Variants in HOXB8 observed in about 807,000 individuals in gnomAD.
The protein encoded by HOXB8 is homeobox protein Hox-B8.
HOXB8 carries 17 observed loss-of-function variants against 22.2 expected under a neutral mutation model. The observed-to-expected ratio is 0.77, with a 90% CI of 0.53 to 1.15. The LOEUF (loss-of-function observed/expected upper bound fraction) is 1.15. HOXB8 is among the 50% of genes most tolerant of loss of function. The pLI is 0.00. For missense variants in HOXB8, 287 were observed against 323.8 expected (o/e 0.89, Z 0.87); for synonymous variants, 156 against 144.6 (o/e 1.08, Z -0.57).
chr17:48,613,741 C>T (rs1178305710), intron 1 of HOXB8, among the ~76,000 whole-genome samples: 1 of 151,976 alleles, frequency 6.6e-6, no homozygotes, highest in Non-Finnish European at 1.5e-5. Context: ...AAGGGGAGCC[C>T]CCTCCCCCGG....
Position 48,613,493 on chromosome 17 carries a change from C to T in HOXB8, c.441G>A (p.Arg147=). 2 of 1,336,626 alleles carry T rather than the reference C, an allele frequency of 1.5e-6. No homozygotes were observed. The highest frequency in any genetic ancestry group is 2.0e-6 in the Non-Finnish European group (2 of 1,002,808). 82.8% of individuals were successfully genotyped at this position (1,336,626 alleles called of 1,614,324 possible). A position where few individuals can be genotyped will look rare whatever the true frequency, so the allele number is the denominator to read the frequency against. ...WMRPQAAAGR[R]RGRQTYSRYQ... is the part of the protein sequence containing the mutation. ...AGCGGCTGTAGGTCTGTCGGCCTCG[C>T]CTGCGTCCGGCGGCTGCTGGGAATG... Residue 147 remains arginine (R), a synonymous_variant, in exon 2 of 2, where the codon AGG becomes AGA. Coordinates refer to ENST00000239144, the MANE Select transcript of HOXB8 (RefSeq NM_024016.4).
rs1302959869 is a variant in HOXB8, at chr17:48,613,470, C to T, written c.464G>A (p.Arg155His). ...GRRRGRQTYS[R>H]YQTLELEKEF... ...CTTCTCCAGCTCCAGGGTCTGGTAG[C>T]GGCTGTAGGTCTGTCGGCCTCGCCT... The change falls in exon 2 of 2, where the codon CGC (arginine) becomes CAC (histidine). Residue 155 changes from arginine (R) to histidine (H), a missense_variant. Arg to His is a conservative substitution (Grantham distance 29, BLOSUM62 0). Coordinates refer to ENST00000239144, the MANE Select transcript of HOXB8 (RefSeq NM_024016.4). The T allele has an allele frequency of 3.6e-6, 5 of 1,392,062 alleles. No individual in the cohort carries two copies. The highest frequency in any genetic ancestry group is 2.9e-6 in the Non-Finnish European group (3 of 1,040,460). 86.2% of individuals were successfully genotyped at this position (1,392,062 alleles called of 1,614,324 possible). A position where few individuals can be genotyped will look rare whatever the true frequency, so the allele number is the denominator to read the frequency against.
At position 48,613,426 on chromosome 17, in the gene HOXB8, A is replaced by G; in HGVS notation, c.508T>C (p.Tyr170His). ...TCGATTCGCCGCTTACGAGTCAGATAGGGATTAAATAGGAACTCCTTCTCC... is the reference window on the plus strand; with the variant it reads ...TCGATTCGCCGCTTACGAGTCAGATGGGGATTAAATAGGAACTCCTTCTCC... ...ELEKEFLFNP[Y>H]LTRKRRIEVS... The change falls in exon 2 of 2, where the codon TAT (tyrosine) becomes CAT (histidine). Residue 170 changes from tyrosine to histidine, a missense_variant. Tyr to His is a moderately conservative substitution (Grantham distance 83, BLOSUM62 2). Around this residue, in one of 3 missense-constraint regions of HOXB8, gnomAD observed 229 missense variants for 239.8 expected, o/e 0.95. Coordinates refer to ENST00000239144, the MANE Select transcript of HOXB8 (RefSeq NM_024016.4). The G allele has an allele frequency of 6.2e-7, 1 of 1,613,326 alleles. No homozygotes were observed. The highest frequency in any genetic ancestry group is 8.5e-7 in the Non-Finnish European group (1 of 1,179,708).
chr17:48,614,555 G>A lies in HOXB8; in HGVS notation c.150C>T (p.His50=), dbSNP rs2070700925. 2 of 1,612,706 alleles carry A rather than the reference G, an allele frequency of 1.2e-6. No individual in the cohort carries two copies. Among genetic ancestry groups the A allele is most frequent in the Non-Finnish European group, 1.7e-6 (2 of 1,179,560 alleles). Residue 50 remains histidine (H), a synonymous_variant, in exon 1 of 2, where the codon CAC becomes CAT. Transcript: ENST00000239144. This position sits in a 1 kb window ranked among gnomAD's most constrained non-coding sequence, Gnocchi z 4.1. ...YGPSSGGSFQ[H]PSQIQEFYHG... is the part of the protein sequence containing the mutation. ...GGTAGAACTCCTGGATTTGCGACGGGTGCTGGAAGCTGCCGCCGCTGCTGG... is the reference window on the plus strand; with the variant it reads ...GGTAGAACTCCTGGATTTGCGACGGATGCTGGAAGCTGCCGCCGCTGCTGG...
At position 48,613,095 on chromosome 17, in the gene HOXB8, C is replaced by T. The variant is rs888896496; in HGVS notation, c.*107G>A. On this transcript the variant is annotated 3_prime_UTR_variant, in exon 2 of 2. Coordinates refer to ENST00000239144, the MANE Select transcript of HOXB8 (RefSeq NM_024016.4). ...CTGCGGTGGGAGGCCCGGCTCCTGGCCCCGCTAGCGGGGCCAGAGCTCTCT... is the reference window on the plus strand; with the variant it reads ...CTGCGGTGGGAGGCCCGGCTCCTGGTCCCGCTAGCGGGGCCAGAGCTCTCT... 13 of 697,218 alleles carry T rather than the reference C, an allele frequency of 1.9e-5. No homozygotes were observed. In the African/African-American group the frequency reaches 2.5e-4, roughly 13 times the overall value. The allele number at this position is 697,218 out of a possible 1,614,324, so 43.2% of individuals were successfully genotyped here.
chr17:48,613,006 T>C lies in HOXB8; in HGVS notation c.*196A>G, dbSNP rs753643958. Reference sequence around the variant, plus strand: ...CAAGAGAAGGGAAGGAGATCCACGGTAGCTCACACACAGAAGCTATTACGA... The same window carrying C: ...CAAGAGAAGGGAAGGAGATCCACGGCAGCTCACACACAGAAGCTATTACGA... On this transcript the variant is annotated 3_prime_UTR_variant, in exon 2 of 2. Coordinates refer to ENST00000239144, the MANE Select transcript of HOXB8 (RefSeq NM_024016.4). 4 of 222,552 alleles carry C rather than the reference T, an allele frequency of 1.8e-5. No individual in the cohort carries two copies. Among genetic ancestry groups the C allele is most frequent in the Admixed American group, 1.7e-4 (3 of 17,276 alleles). 13.8% of individuals were successfully genotyped at this position (222,552 alleles called of 1,614,324 possible).
In HOXB8 at chr17:48,613,222, G is replaced by A; in HGVS notation, c.712C>T (p.Gln238Ter). The change falls in exon 2 of 2, where the codon CAG (glutamine) becomes TAG (stop). Residue 238 changes from glutamine (Q) to a stop codon, truncating the protein, a stop_gained. Transcript: ENST00000239144. LOFTEE classifies it high-confidence loss of function. ...GAAGCCTACTTCTTGTCGCCCTTCT[G>A]CGCGTCGCCCTCGTCCGCCGCCTCT... ...APEAADEGDA[Q>*]KGDKK The A allele has an allele frequency of 1.2e-6, 2 of 1,611,488 alleles. No individual in the cohort carries two copies. Among genetic ancestry groups the A allele is most frequent in the Non-Finnish European group, 8.5e-7 (1 of 1,178,578 alleles).
At chr17:48,613,613 T>A (rs923087593) in intron 1 of HOXB8, 104 bp from the exon 2 acceptor site, 4 of 707,862 alleles carry the variant, frequency 5.7e-6, no homozygotes, top group Non-Finnish European at 8.4e-6. Context: ...GAGACCATTA[T>A]AATAAGGGCA....
In HOXB8 at chr17:48,612,929, C is replaced by G. The variant is rs1341481790; in HGVS notation, c.*273G>C. 1 of 171,608 alleles carries G rather than the reference C, an allele frequency of 5.8e-6. No individual in the cohort carries two copies. Among genetic ancestry groups the G allele is most frequent in the Non-Finnish European group, 1.2e-5 (1 of 81,264 alleles). 10.6% of individuals were successfully genotyped at this position (171,608 alleles called of 1,614,324 possible). On this transcript the variant is annotated 3_prime_UTR_variant, in exon 2 of 2. Coordinates refer to ENST00000239144, the MANE Select transcript of HOXB8 (RefSeq NM_024016.4). ...CTCAGCCGGGCCTTTGCCGCTCGCC[C>G]TCACAGGGCGAGGGAGCCTTTGCTT...
chr17:48,614,530 G>A lies in HOXB8; in HGVS notation c.175C>T (p.His59Tyr), dbSNP rs1453022820. 6.2e-7 allele frequency: 1 copy of A among 1,613,818 alleles called. No individual in the cohort carries two copies. The highest frequency in any genetic ancestry group is 2.2e-5 in the East Asian group (1 of 44,862). ...QHPSQIQEFY[H>Y]GPSSLSTAPY... Reference sequence around the variant, plus strand: ...GCCGTGGACAGCGACGACGGCCCGTGGTAGAACTCCTGGATTTGCGACGGG... The same window carrying A: ...GCCGTGGACAGCGACGACGGCCCGTAGTAGAACTCCTGGATTTGCGACGGG... Residue 59 changes from histidine (H) to tyrosine (Y), a missense_variant, in exon 1 of 2, where the codon CAC becomes TAC. By Grantham distance (83) the His-to-Tyr change is moderately conservative. Around this residue, in one of 3 missense-constraint regions of HOXB8, gnomAD observed 229 missense variants for 239.8 expected, o/e 0.95. Transcript: ENST00000239144. This position sits in a 1 kb window ranked among gnomAD's most constrained non-coding sequence, Gnocchi z 4.1.
rs1050748528 is a variant in HOXB8 at position 48,612,595 on chromosome 17, G to C, written c.*607C>G. Reference sequence around the variant, plus strand: ...TTAAGACAAAATTGTCAAACCAAAGGGGGTGGGTGGAGGAGGAAAAGAGAG... The same window carrying C: ...TTAAGACAAAATTGTCAAACCAAAGCGGGTGGGTGGAGGAGGAAAAGAGAG... On this transcript the variant is annotated 3_prime_UTR_variant, in exon 2 of 2. Coordinates refer to ENST00000239144, the MANE Select transcript of HOXB8 (RefSeq NM_024016.4). 3.3e-5 allele frequency: 5 copies of C among 152,628 alleles called. No homozygotes were observed. Among genetic ancestry groups the C allele is most frequent in the African/African-American group, 7.2e-5 (3 of 41,408 alleles). 9.5% of individuals were successfully genotyped at this position (152,628 alleles called of 1,614,324 possible).
In HOXB8 at chr17:48,614,616, T is replaced by C; in HGVS notation, c.89A>G (p.Gln30Arg). The change falls in exon 1 of 2, where the codon CAG becomes CGG. Residue 30 changes from glutamine to arginine, a missense_variant. Physicochemically the swap from Gln to Arg is conservative, Grantham distance 43. This residue lies in a region of HOXB8 where 229 missense variants were observed against 239.8 expected (regional missense o/e 0.95). Coordinates refer to ENST00000239144, the MANE Select transcript of HOXB8 (RefSeq NM_024016.4). This position sits in a 1 kb window ranked among gnomAD's most constrained non-coding sequence, Gnocchi z 4.1. Reference sequence around the variant, plus strand: ...CACGGTGGGTCGGCCGCCCAGGTCCTGGGCGAAGCCGCAGTCATAATAATT... The same window carrying C: ...CACGGTGGGTCGGCCGCCCAGGTCCCGGGCGAAGCCGCAGTCATAATAATT... Reference protein sequence around the residue: ...RPNYYDCGFAQDLGGRPTVVY... With the variant: ...RPNYYDCGFARDLGGRPTVVY... 1 of 1,609,762 alleles carries C rather than the reference T, an allele frequency of 6.2e-7. No homozygotes were observed. The highest frequency in any genetic ancestry group is 8.5e-7 in the Non-Finnish European group (1 of 1,178,020).
At position 48,613,497 on chromosome 17, in the gene HOXB8, C is replaced by T. The variant is rs1489129287; in HGVS notation, c.437G>A (p.Arg146His). The T allele has an allele frequency of 7.7e-7, 1 of 1,303,718 alleles. No homozygotes were observed. The highest frequency in any genetic ancestry group is 2.1e-5 in the Admixed American group (1 of 48,364). 80.8% of individuals were successfully genotyped at this position (1,303,718 alleles called of 1,614,324 possible). Reference protein sequence around the residue: ...PWMRPQAAAGRRRGRQTYSRY... With the variant: ...PWMRPQAAAGHRRGRQTYSRY... Reference sequence around the variant, plus strand: ...GCTGTAGGTCTGTCGGCCTCGCCTGCGTCCGGCGGCTGCTGGGAATGGGGG... The same window carrying T: ...GCTGTAGGTCTGTCGGCCTCGCCTGTGTCCGGCGGCTGCTGGGAATGGGGG... The change falls in exon 2 of 2, where the codon CGC becomes CAC. Residue 146 changes from arginine (R) to histidine (H), a missense_variant. Arg to His is a conservative substitution (Grantham distance 29). Coordinates refer to ENST00000239144, the MANE Select transcript of HOXB8 (RefSeq NM_024016.4).
Position 48,614,833 on chromosome 17 carries a change from G to A in HOXB8, c.-129C>T, listed in dbSNP as rs1363397113. The A allele has an allele frequency of 1.8e-5, 13 of 703,516 alleles. No individual in the cohort carries two copies. The East Asian group carries it at 3.5e-4, about 19-fold the overall frequency. 43.6% of individuals were successfully genotyped at this position (703,516 alleles called of 1,614,324 possible). ...GATTCGCCGGCTCCTAGTCACCCTC[G>A]CCAGGAAAGGAGAGGGAAAGAGAGG... On this transcript the variant is annotated 5_prime_UTR_variant, in exon 1 of 2. Coordinates refer to ENST00000239144, the MANE Select transcript of HOXB8 (RefSeq NM_024016.4). This position sits in a 1 kb window ranked among gnomAD's most constrained non-coding sequence, Gnocchi z 4.1.
At position 48,615,248 on chromosome 17, in the gene HOXB8, A is replaced by C. The variant is rs1312937928; in HGVS notation, c.-544T>G. 2.0e-5 allele frequency among the ~76,000 whole-genome samples: 3 copies of C among 149,868 alleles called. No individual in the cohort carries two copies. Among genetic ancestry groups the C allele is most frequent in the South Asian group, 4.3e-4 (2 of 4,670 alleles). ...GTGAGAGCGAGAGAGAGCGAGCGAGAGAGAGAGCTAGAGCGAGAGAGCGCC... is the reference window on the plus strand; with the variant it reads ...GTGAGAGCGAGAGAGAGCGAGCGAGCGAGAGAGCTAGAGCGAGAGAGCGCC... On this transcript the variant is annotated 5_prime_UTR_variant, in exon 1 of 2. Coordinates refer to ENST00000239144, the MANE Select transcript of HOXB8 (RefSeq NM_024016.4).
rs1567981339 is a variant in HOXB8 at position 48,613,391 on chromosome 17, G to C, written c.543C>G (p.His181Gln). The change falls in exon 2 of 2, where the codon CAC becomes CAG. Residue 181 changes from histidine to glutamine, a missense_variant. His to Gln is a conservative substitution (Grantham distance 24, BLOSUM62 0). This residue lies in a region of HOXB8 where 6 missense variants were observed against 29.2 expected (regional missense o/e 0.21). Coordinates refer to ENST00000239144, the MANE Select transcript of HOXB8 (RefSeq NM_024016.4). ...LTRKRRIEVS[H>Q]ALGLTERQVK... ...CCTGTCTCTCTGTCAGTCCCAGGGC[G>C]TGCGATACCTCGATTCGCCGCTTAC... The C allele has an allele frequency of 6.2e-7, 1 of 1,613,882 alleles. No individual in the cohort carries two copies. The highest frequency in any genetic ancestry group is 1.1e-5 in the South Asian group (1 of 91,084).
chr17:48,613,109 C>T lies in HOXB8; in HGVS notation c.*93G>A, dbSNP rs901525344. The T allele has an allele frequency of 8.0e-6, 7 of 877,150 alleles. No individual in the cohort carries two copies. Among genetic ancestry groups the T allele is most frequent in the African/African-American group, 1.8e-5 (1 of 55,720 alleles). The allele number at this position is 877,150 out of a possible 1,614,324, so 54.3% of individuals were successfully genotyped here. On this transcript the variant is annotated 3_prime_UTR_variant, in exon 2 of 2. Coordinates refer to ENST00000239144, the MANE Select transcript of HOXB8 (RefSeq NM_024016.4). ...CCGGCTCCTGGCCCCGCTAGCGGGG[C>T]CAGAGCTCTCTCGGGCAGGGGCGCG... is the stretch of plus-strand genomic sequence containing the variant.
In HOXB8 at chr17:48,613,146, C is replaced by CG. The variant is rs1453463082; in HGVS notation, c.*55dup. The CG allele has an allele frequency of 1.6e-6, 2 of 1,227,074 alleles. No individual in the cohort carries two copies. The highest frequency in any genetic ancestry group is 2.1e-6 in the Non-Finnish European group (2 of 974,960). 76.0% of individuals were successfully genotyped at this position (1,227,074 alleles called of 1,614,324 possible). A position where few individuals can be genotyped will look rare whatever the true frequency, so the allele number is the denominator to read the frequency against. On this transcript the variant is annotated 3_prime_UTR_variant, in exon 2 of 2. Coordinates refer to ENST00000239144, the MANE Select transcript of HOXB8 (RefSeq NM_024016.4). ...CGGGCAGGGGCGCGCGGCGGCGGCG[C>CG]GGCCGGGACCCGCGGACGTGCGGGC...
intron 1 of HOXB8, 42 bp from the exon 2 acceptor site, chr17:48,613,551 T>A (rs768317386): frequency 1.5e-5 from 1 of 68,606 alleles, no homozygotes; most frequent in Non-Finnish European, 3.1e-5. Flanking sequence ...GAGGGGAGGG[T>A]GGGGGAGGGG....
Sources: allele counts gnomAD v4.1 joint callset (sites outside exome capture counted in the v4.1 genomes callset), GRCh38; gene constraint gnomAD v4.1.1; regional missense constraint gnomAD v4.1.1; non-coding constraint Gnocchi (gnomAD v3.1); transcripts MANE v1.5; gene names NCBI Gene and HGNC (gene_info 2026-07-23, HGNC 2026-07-21).